SRP68: variants seen among roughly 807,000 people sequenced by gnomAD.
SRP68 encodes the protein signal recognition particle subunit SRP68.
In SRP68, 15 loss-of-function variants were observed where a neutral mutation model predicts 82.2. The observed-to-expected ratio is 0.18, with a 90% CI of 0.12 to 0.28. The LOEUF is 0.28. Ranked by LOEUF, SRP68 falls within the 10% of genes least tolerant of loss-of-function variation. The pLI, the probability that SRP68 is intolerant of heterozygous loss-of-function variation, is 1.00. For missense variants in SRP68, 595 were observed against 780.5 expected (o/e 0.76, Z 2.83); for synonymous variants, 261 against 292.6 (o/e 0.89, Z 1.10).
At chr17:76,052,689 A>G (rs1340176660) in intron 8 of SRP68, among the ~76,000 whole-genome samples, 6 of 151,852 alleles carry the variant, frequency 4.0e-5, no homozygotes, top group Non-Finnish European at 7.4e-5. Context: ...CTGTAGTCCC[A>G]GCTACTAGGG....
At position 76,072,461 on chromosome 17, in the gene SRP68, C is replaced by A; in HGVS notation, c.31G>T (p.Gly11Cys). The A allele has an allele frequency of 6.3e-7, 1 of 1,582,484 alleles. No individual in the cohort carries two copies. Among genetic ancestry groups the A allele is most frequent in the Non-Finnish European group, 8.5e-7 (1 of 1,170,768 alleles). ...CCGCCGCCACTGCCGCCGCCGCCGC[C>A]GCCGCCTGGGACCTGCTTCTCAGCA... MAAEKQVPGG[G>C]GGGGSGGGGG... The change falls in exon 1 of 16, where the codon GGC (glycine) becomes TGC (cysteine). Residue 11 changes from glycine to cysteine, a missense_variant. Coordinates refer to ENST00000307877, the MANE Select transcript of SRP68 (RefSeq NM_014230.4). The surrounding 1 kb of genome is among the most constrained non-coding windows in gnomAD (Gnocchi z 4.5).
At chr17:76,067,145 A>G (rs2066812939) in intron 3 of SRP68, 72 bp downstream of exon 3, 9 of 1,145,868 alleles carry the variant, frequency 7.9e-6, no homozygotes, top group African/African-American at 1.5e-5. Context: ...TTTGGCATGA[A>G]GTCTACCACG....
At chr17:76,040,554 G>T (rs1598255755) in intron 14 of SRP68, 80 bp from the exon 15 acceptor site, 1 of 1,423,872 alleles carries the variant, frequency 7.0e-7, no homozygotes. Context: ...TCACACAGGT[G>T]GCCCCTACAT....
intron 13 of SRP68, 61 bp downstream of exon 13, chr17:76,043,768 C>T: frequency 1.3e-6 from 2 of 1,510,858 alleles, no homozygotes; most frequent in Non-Finnish European, 1.8e-6. Flanking sequence ...CCTCACAGCT[C>T]CTCCACAGCT....
intron 7 of SRP68, among the ~76,000 whole-genome samples, chr17:76,060,023 G>C (rs2066739980): frequency 6.7e-6 from 1 of 148,218 alleles, no homozygotes; most frequent in African/African-American, 2.5e-5. Flanking sequence ...CTACTTGGGA[G>C]GCTGAGGCAG....
chr17:76,058,443 G>A (rs1388165540), intron 7 of SRP68, among the ~76,000 whole-genome samples: 1 of 151,914 alleles, frequency 6.6e-6, no homozygotes, highest in African/African-American at 2.4e-5. Flanking sequence ...TTTTTTTGTA[G>A]AGGTGGGGTC....
intron 13 of SRP68, among the ~76,000 whole-genome samples, chr17:76,042,607 T>TG (rs1360101690): frequency 1.1e-4 from 17 of 151,692 alleles, no homozygotes; most frequent in African/African-American, 4.1e-4. Flanking sequence ...TATTTTGAGA[T>TG]GGAGTCTTGC....
At position 76,039,600 on chromosome 17, in the gene SRP68, C is replaced by T; in HGVS notation, c.*106G>A. 9.0e-7 allele frequency: 1 copy of T among 1,111,698 alleles called. No individual in the cohort carries two copies. 68.9% of individuals were successfully genotyped at this position (1,111,698 alleles called of 1,614,324 possible). ...CAGGGCCGAAGATGTTAAACTCTTG[C>T]CCCGGGCCAATGCAGACCTGGATTT... On this transcript the variant is annotated 3_prime_UTR_variant, in exon 16 of 16. Coordinates refer to ENST00000307877, the MANE Select transcript of SRP68 (RefSeq NM_014230.4).
Position 76,060,734 on chromosome 17 carries a change from G to C in SRP68, c.755-344C>G, listed in dbSNP as rs551864981. 4 of 335,746 alleles carry C rather than the reference G, an allele frequency of 1.2e-5. No individual in the cohort carries two copies. The Admixed American group carries it at 1.8e-4, about 15-fold the overall frequency. 20.8% of individuals were successfully genotyped at this position (335,746 alleles called of 1,614,324 possible). On this transcript the variant is annotated intron_variant, in intron 6 of 15. Transcript: ENST00000307877. Reference sequence around the variant, plus strand: ...ATTGTAACAAATGCACCCCTCTGGTGGGGGAAGATGCTAATGAGAGAGGCT... The same window carrying C: ...ATTGTAACAAATGCACCCCTCTGGTCGGGGAAGATGCTAATGAGAGAGGCT...
At position 76,071,996 on chromosome 17, in the gene SRP68, A is replaced by G; in HGVS notation, c.184+312T>C. Reference sequence around the variant, plus strand: ...GTTCAGTGGCTCAAGGTGCCAAAGCAAGGTGCTCAAGGTGTCACTTGGTCA... The same window carrying G: ...GTTCAGTGGCTCAAGGTGCCAAAGCGAGGTGCTCAAGGTGTCACTTGGTCA... On this transcript the variant is annotated intron_variant, in intron 1 of 15. Coordinates refer to ENST00000307877, the MANE Select transcript of SRP68 (RefSeq NM_014230.4). This position sits in a 1 kb window ranked among gnomAD's most constrained non-coding sequence, Gnocchi z 4.7. 2.1e-6 allele frequency: 1 copy of G among 478,216 alleles called. No individual in the cohort carries two copies. Among genetic ancestry groups the G allele is most frequent in the Non-Finnish European group, 3.7e-6 (1 of 270,914 alleles). The allele number at this position is 478,216 out of a possible 1,614,324, so 29.6% of individuals were successfully genotyped here. A position where few individuals can be genotyped will look rare whatever the true frequency, so the allele number is the denominator to read the frequency against.
intron 14 of SRP68, 134 bp downstream of exon 14, chr17:76,040,769 G>C (rs1298024262): frequency 3.4e-5 from 29 of 864,130 alleles, no homozygotes; most frequent in Non-Finnish European, 4.6e-5. Context: ...GCTGGCACAA[G>C]TAAAGGCCAG....
rs956529997 is a variant in SRP68 at position 76,065,299 on chromosome 17, G to A, written c.366-1128C>T. Among the ~76,000 whole-genome samples, 61 of 151,874 alleles carry A rather than the reference G, an allele frequency of 4.0e-4. 1 individual carries two copies. Among genetic ancestry groups the A allele is most frequent in the African/African-American group, 1.4e-3 (57 of 41,344 alleles). ...ATCCCATCTTTACAAAAGAAAAAAA[G>A]AGAAAAGTTAGCTGGGCATGGTGGT... On this transcript the variant is annotated intron_variant, in intron 3 of 15. Coordinates refer to ENST00000307877, the MANE Select transcript of SRP68 (RefSeq NM_014230.4).
intron 8 of SRP68, chr17:76,053,481 G>A (rs1567930570): frequency 2.0e-6 from 2 of 985,198 alleles, no homozygotes; most frequent in Non-Finnish European, 1.2e-6. Flanking sequence ...TTTCCTGTCG[G>A]TAGGGTACAG....
chr17:76,054,826 T>C (rs1300061312), intron 8 of SRP68, among the ~76,000 whole-genome samples: 1 of 151,886 alleles, frequency 6.6e-6, no homozygotes, highest in African/African-American at 2.4e-5. Flanking sequence ...AACTGTATCT[T>C]AGTATAATTC....
At position 76,057,404 on chromosome 17, in the gene SRP68, T is replaced by C; in HGVS notation, c.977A>G (p.Gln326Arg). 2 of 1,614,200 alleles carry C rather than the reference T, an allele frequency of 1.2e-6. No homozygotes were observed. Among genetic ancestry groups the C allele is most frequent in the Non-Finnish European group, 1.7e-6 (2 of 1,180,034 alleles). The stretch of plus-strand genomic sequence containing the variant: ...GCACAGTAAGTTCTTCCTCCTCACC[T>C]GGACAATAGCTGCTTCGTTATCAGC... ...GLADNEAAIVQAESEETKERL... is the reference protein window; with the variant it reads ...GLADNEAAIVRAESEETKERL... Residue 326 changes from glutamine (Q) to arginine (R), a missense_variant and splice_region_variant, in exon 8 of 16, where the codon CAG (glutamine) becomes CGG (arginine). Coordinates refer to ENST00000307877, the MANE Select transcript of SRP68 (RefSeq NM_014230.4).
At chr17:76,046,314 G>T in intron 10 of SRP68, 120 bp from the exon 11 acceptor site, 1 of 1,149,110 alleles carries the variant, frequency 8.7e-7, no homozygotes, top group Non-Finnish European at 1.3e-6. Context: ...CGTGGCCACA[G>T]CAGGGCCATT....
At chr17:76,047,519 C>G (rs960604436) in intron 10 of SRP68, among the ~76,000 whole-genome samples, 8 of 152,170 alleles carry the variant, frequency 5.3e-5, no homozygotes, top group African/African-American at 1.9e-4. Context: ...TGCAGTGGTT[C>G]ACGCCTATAA....
intron 7 of SRP68, among the ~76,000 whole-genome samples, chr17:76,059,155 A>G (rs1031125946): frequency 6.6e-6 from 1 of 152,198 alleles, no homozygotes; most frequent in East Asian, 1.9e-4. Context: ...AGGCTGAGGC[A>G]GGAGGATCAC....
chr17:76,053,594 C>T lies in SRP68; in HGVS notation c.979-3068G>A. On this transcript the variant is annotated intron_variant, in intron 8 of 15. Coordinates refer to ENST00000307877, the MANE Select transcript of SRP68 (RefSeq NM_014230.4). ...CCAAAAAACCTCCCCACTGCTCCCA[C>T]AAAGCTCTAAGTTCCCACTGGGAAT... is the stretch of plus-strand genomic sequence containing the variant. 9.1e-6 allele frequency: 9 copies of T among 985,406 alleles called. No homozygotes were observed. The South Asian group carries it at 3.3e-4, about 36-fold the overall frequency. 61.0% of individuals were successfully genotyped at this position (985,406 alleles called of 1,614,324 possible).
Sources: gnomAD v4.1 joint callset for allele counts (sites outside exome capture counted in the v4.1 genomes callset) on GRCh38, gnomAD v4.1.1 for gene constraint, Gnocchi (gnomAD v3.1) non-coding constraint, MANE v1.5 for transcripts, NCBI Gene and HGNC (gene_info 2026-07-23, HGNC 2026-07-21) for gene names.